Variants in NMNAT3 observed in about 807,000 individuals in gnomAD.
NMNAT3 encodes the protein nicotinamide/nicotinic acid mononucleotide adenylyltransferase 3.
Under a neutral mutation model 24.8 loss-of-function variants are expected in NMNAT3, and 21 were observed. The ratio of observed to expected loss-of-function variants is 0.85; its 90% CI spans 0.60 to 1.22. NMNAT3 has a LOEUF of 1.22. NMNAT3 is among the 50% of genes most tolerant of loss of function. The probability of loss-of-function intolerance (pLI) is 0.00; values close to 1 mark genes in which losing one functional copy is unlikely to be tolerated. For missense variants in NMNAT3, 387 were observed against 436.6 expected (o/e 0.89, Z 1.01); for synonymous variants, 136 against 155.2 (o/e 0.88, Z 0.92).
chr3:139,645,591 C>T (rs1432860650), intron 1 of NMNAT3, among the ~76,000 whole-genome samples: 1 of 152,138 alleles, frequency 6.6e-6, no homozygotes, highest in Admixed American at 6.5e-5. Context: ...CATACCTGTG[C>T]TCCAGGTAAG....
At position 139,582,977 on chromosome 3, in the gene NMNAT3, T is replaced by C. The variant is rs1010523391; in HGVS notation, c.341A>G (p.Asp114Gly). 1.3e-6 allele frequency: 2 copies of C among 1,574,180 alleles called. No homozygotes were observed. Among genetic ancestry groups the C allele is most frequent in the African/African-American group, 2.7e-5 (2 of 73,070 alleles). ...TTTGTTTGTTTGGTTCCAGGTGCTATCTATAAATATAATTTTTTTCAGTGT... is the reference window on the plus strand; with the variant it reads ...TTTGTTTGTTTGGTTCCAGGTGCTACCTATAAATATAATTTTTTTCAGTGT... Residue 114 changes from aspartate to glycine, a missense_variant, in exon 4 of 7, where the codon GAT (aspartate) becomes GGT (glycine). Physicochemically the swap from Asp to Gly is moderately conservative, Grantham distance 94. Around this residue, in one of 3 missense-constraint regions of NMNAT3, gnomAD observed 323 missense variants for 345.2 expected, o/e 0.94. Transcript: ENST00000643695.
At chr3:139,606,192 A>C (rs969285788) in intron 3 of NMNAT3, among the ~76,000 whole-genome samples, 1 of 152,184 alleles carries the variant, frequency 6.6e-6, no homozygotes, top group African/African-American at 2.4e-5. Context: ...TCCACAGTTC[A>C]ATCGAGGATC....
intron 4 of NMNAT3, among the ~76,000 whole-genome samples, chr3:139,581,646 G>A (rs2053621397): frequency 1.3e-5 from 2 of 152,134 alleles, no homozygotes; most frequent in South Asian, 4.1e-4. Context: ...TCCAGAAAAT[G>A]TACCTAATCT....
intron 2 of NMNAT3, among the ~76,000 whole-genome samples, chr3:139,631,173 G>A (rs917346525): frequency 6.6e-6 from 1 of 152,098 alleles, no homozygotes; most frequent in Non-Finnish European, 1.5e-5. Context: ...TGGTGACTGT[G>A]CTATGTCTGG....
At chr3:139,567,145 C>T (rs991104629) in intron 6 of NMNAT3, 4 of 152,148 alleles carry the variant, frequency 2.6e-5, no homozygotes, top group Non-Finnish European at 5.9e-5. Context: ...GGAGTTCACT[C>T]ACGATTTGGC....
chr3:139,639,799 A>G (rs2108352095), intron 1 of NMNAT3, among the ~76,000 whole-genome samples: 1 of 152,306 alleles, frequency 6.6e-6, no homozygotes, highest in African/African-American at 2.4e-5. Flanking sequence ...GTAAAATTTC[A>G]GACCCTTTAT....
intron 3 of NMNAT3, among the ~76,000 whole-genome samples, chr3:139,615,762 A>G (rs937953793): frequency 1.3e-5 from 2 of 152,230 alleles, no homozygotes; most frequent in African/African-American, 2.4e-5. Flanking sequence ...TTATTAGAGT[A>G]GAATATTTGT....
intron 5 of NMNAT3, among the ~76,000 whole-genome samples, chr3:139,578,450 T>C (rs1559867624): frequency 6.6e-6 from 1 of 152,168 alleles, no homozygotes; most frequent in Non-Finnish European, 1.5e-5. Context: ...ACCTACTGAA[T>C]ATTATTATGT....
intron 3 of NMNAT3, among the ~76,000 whole-genome samples, chr3:139,614,595 T>C (rs1315388070): frequency 2.6e-5 from 4 of 152,252 alleles, no homozygotes; most frequent in Non-Finnish European, 5.9e-5. Flanking sequence ...TAGGCTTGTC[T>C]GATGTTTCCT....
chr3:139,621,082 A>G (rs2055750344), intron 3 of NMNAT3, among the ~76,000 whole-genome samples: 1 of 152,104 alleles, frequency 6.6e-6, no homozygotes, highest in Non-Finnish European at 1.5e-5. Context: ...GCAATTGGCC[A>G]TATTTAACTT....
At chr3:139,603,412 G>A (rs1431968492) in intron 3 of NMNAT3, among the ~76,000 whole-genome samples, 1 of 152,170 alleles carries the variant, frequency 6.6e-6, no homozygotes, top group Admixed American at 6.6e-5. Context: ...AATTTGGGGT[G>A]TATATGAGAT....
intron 3 of NMNAT3, among the ~76,000 whole-genome samples, chr3:139,594,784 A>G (rs1211990360): frequency 6.6e-6 from 1 of 152,236 alleles, no homozygotes; most frequent in African/African-American, 2.4e-5. Context: ...AAAACTCTCA[A>G]TAAATTAGGT....
At chr3:139,646,245 A>G (rs893666826) in intron 1 of NMNAT3, among the ~76,000 whole-genome samples, 1 of 152,186 alleles carries the variant, frequency 6.6e-6, no homozygotes, top group Non-Finnish European at 1.5e-5. Flanking sequence ...TTCCTTTACA[A>G]TCTGGTTCTG....
At chr3:139,661,110 A>G (rs1003062889) in intron 1 of NMNAT3, among the ~76,000 whole-genome samples, 17 of 152,178 alleles carry the variant, frequency 1.1e-4, no homozygotes, top group Non-Finnish European at 1.8e-4. Context: ...TTCAATGATC[A>G]GGTATCATAA....
At chr3:139,648,586 C>T (rs998163059) in intron 1 of NMNAT3, among the ~76,000 whole-genome samples, 1 of 152,126 alleles carries the variant, frequency 6.6e-6, no homozygotes, top group Non-Finnish European at 1.5e-5. Context: ...CTCATAGTTT[C>T]GATAGGGATG....
intron 3 of NMNAT3, among the ~76,000 whole-genome samples, chr3:139,623,604 GAC>G (rs2108298363): frequency 6.6e-6 from 1 of 152,240 alleles, no homozygotes; most frequent in South Asian, 2.1e-4. Context: ...GATTGATTGA[GAC>G]AGAGTCTCAC....
In NMNAT3 at chr3:139,563,079, C is replaced by A. The variant is rs577738091; in HGVS notation, c.659-1687G>T. Among the ~76,000 whole-genome samples the A allele has an allele frequency of 7.9e-5, 12 of 152,222 alleles. 1 individual carries two copies. The highest frequency in any genetic ancestry group is 2.9e-5 in the Non-Finnish European group (2 of 68,042). Reference sequence around the variant, plus strand: ...TATCCATTTACTCATTTATCTACCACTCTATTCATAGAAACACCCACTCAA... The same window carrying A: ...TATCCATTTACTCATTTATCTACCAATCTATTCATAGAAACACCCACTCAA... On this transcript the variant is annotated intron_variant, in intron 6 of 6. Transcript: ENST00000643695.
intron 3 of NMNAT3, among the ~76,000 whole-genome samples, chr3:139,622,771 C>CATATATATGATATATATATGAT (rs1252552861): frequency 6.5e-4 from 86 of 132,490 alleles, no homozygotes; most frequent in Non-Finnish European, 1.2e-3. Context: ...TCATATATAT[C>CATATATATGATATATATATGAT]ATATATATGA....
At chr3:139,620,916 C>T (rs1382469359) in intron 3 of NMNAT3, among the ~76,000 whole-genome samples, 2 of 152,152 alleles carry the variant, frequency 1.3e-5, no homozygotes, top group Non-Finnish European at 2.9e-5. Flanking sequence ...GCCTCAGCAT[C>T]CTGAGTAGCT....
Sources: gnomAD v4.1 joint callset for allele counts (sites outside exome capture counted in the v4.1 genomes callset) on GRCh38, gnomAD v4.1.1 for gene constraint, gnomAD v4.1.1 regional missense constraint, MANE v1.5 for transcripts, NCBI Gene and HGNC (gene_info 2026-07-23, HGNC 2026-07-21) for gene names.